The following PLCB4 variants were observed in gnomAD, a reference collection of about 807,000 sequenced individuals.
PLCB4 encodes phospholipase C beta 4.
In PLCB4, 77 loss-of-function variants were observed where a neutral mutation model predicts 178.8. The ratio of observed to expected loss-of-function variants is 0.43; its 90% CI spans 0.36 to 0.52. The LOEUF (loss-of-function observed/expected upper bound fraction) is 0.52, where lower values mean the gene tolerates loss of function less well. PLCB4 is among the 20% of genes least tolerant of loss of function. The probability of loss-of-function intolerance (pLI) is 0.00; values close to 1 mark genes in which losing one functional copy is unlikely to be tolerated. For synonymous variants in PLCB4, 496 were observed against 490.8 expected (o/e 1.01, Z -0.14); for missense variants, 1,024 against 1,453.4 (o/e 0.70, Z 4.80).
At chr20:9,473,044 A>G (rs2044290258) in intron 37 of PLCB4, among the ~76,000 whole-genome samples, 197 bp downstream of exon 37, 1 of 152,210 alleles carries the variant, frequency 6.6e-6, no homozygotes, top group Non-Finnish European at 1.5e-5. Context: ...CATTTTATAC[A>G]GAAAATGAAG....
chr20:9,349,682 T>C (rs2034151100), intron 7 of PLCB4, among the ~76,000 whole-genome samples: 1 of 152,202 alleles, frequency 6.6e-6, no homozygotes, highest in African/African-American at 2.4e-5. Context: ...TTTGTCCTAG[T>C]TGCAAGTGTT....
intron 28 of PLCB4, 103 bp downstream of exon 28, chr20:9,424,055 C>A: frequency 1.3e-6 from 1 of 756,304 alleles, no homozygotes; most frequent in South Asian, 1.7e-5. Flanking sequence ...AAAATACTGT[C>A]TATTCCTGCT....
At chr20:9,407,531 A>G (rs2039537800) in intron 21 of PLCB4, among the ~76,000 whole-genome samples, 1 of 152,008 alleles carries the variant, frequency 6.6e-6, no homozygotes, top group Non-Finnish European at 1.5e-5. Flanking sequence ...CACCACACCC[A>G]GCTAATTTTT....
At chr20:9,286,886 C>T (rs1189986736) in intron 3 of PLCB4, among the ~76,000 whole-genome samples, 1 of 151,986 alleles carries the variant, frequency 6.6e-6, no homozygotes, top group Non-Finnish European at 1.5e-5. Context: ...TCCATGGTCA[C>T]CTTCCTGGAC....
intron 3 of PLCB4, among the ~76,000 whole-genome samples, chr20:9,273,305 T>G (rs1398307270): frequency 1.3e-5 from 2 of 152,150 alleles, no homozygotes; most frequent in Non-Finnish European, 2.9e-5. Flanking sequence ...TTAACGCCTT[T>G]AATTCTCAAA....
In PLCB4 at chr20:9,453,318, A is replaced by G. The variant is rs776530028; in HGVS notation, c.2881-29A>G. The G allele has an allele frequency of 2.9e-5, 39 of 1,356,482 alleles. No individual in the cohort carries two copies. In the South Asian group the frequency reaches 2.9e-4, roughly 10 times the overall value. The allele number at this position is 1,356,482 out of a possible 1,614,324, so 84.0% of individuals were successfully genotyped here. ...TGGTGTGAGCCATGCTAAGAGTCCA[A>G]TTCATAACTGCAAATCCTTCTTGTT... On this transcript the variant is annotated intron_variant, in intron 32 of 39. Coordinates refer to ENST00000378473, the MANE Select transcript of PLCB4 (RefSeq NM_001377142.1).
At chr20:9,351,582 T>G (rs2034349364) in intron 7 of PLCB4, among the ~76,000 whole-genome samples, 1 of 152,198 alleles carries the variant, frequency 6.6e-6, no homozygotes, top group Admixed American at 6.5e-5. Context: ...CTCACTGTTT[T>G]CTGCTGTGTG....
At chr20:9,432,645 G>A (rs1233058972) in intron 28 of PLCB4, among the ~76,000 whole-genome samples, 1 of 152,188 alleles carries the variant, frequency 6.6e-6, no homozygotes, top group Non-Finnish European at 1.5e-5. Flanking sequence ...TGGGAGTCAG[G>A]CACAAAGAGT....
chr20:9,405,917 T>C (rs1279183047), intron 21 of PLCB4, among the ~76,000 whole-genome samples: 1 of 152,164 alleles, frequency 6.6e-6, no homozygotes, highest in Non-Finnish European at 1.5e-5. Flanking sequence ...ACTTCAGAGG[T>C]TCGGAAAATA....
chr20:9,478,853 G>A (rs2122757199), intron 39 of PLCB4, 68 bp from the exon 40 acceptor site: 2 of 1,123,498 alleles, frequency 1.8e-6, no homozygotes, highest in East Asian at 4.7e-5. Context: ...GAGAAGAGAG[G>A]CCAGGGTTGT....
Position 9,401,528 on chromosome 20 carries a change from G to A in PLCB4, c.1549G>A (p.Gly517Arg), listed in dbSNP as rs1486424381. ...EEEAHPEFKF[G>R]NELSADDLGH... ...GGAAGCTCACCCCGAATTCAAATTTGGAAATGAACTTTCTGCTGATGACTT... is the reference window on the plus strand; with the variant it reads ...GGAAGCTCACCCCGAATTCAAATTTAGAAATGAACTTTCTGCTGATGACTT... Residue 517 changes from glycine to arginine, a missense_variant, in exon 20 of 40, where the codon GGA becomes AGA. By Grantham distance (125) the Gly-to-Arg change is moderately radical. Around this residue, in one of 7 missense-constraint regions of PLCB4, gnomAD observed 263 missense variants for 417.4 expected, o/e 0.63. Coordinates refer to ENST00000378473, the MANE Select transcript of PLCB4 (RefSeq NM_001377142.1). 1 of 1,613,840 alleles carries A rather than the reference G, an allele frequency of 6.2e-7. No individual in the cohort carries two copies. The highest frequency in any genetic ancestry group is 1.1e-5 in the South Asian group (1 of 91,038).
chr20:9,420,008 G>A, intron 26 of PLCB4, 99 bp downstream of exon 26: 1 of 705,576 alleles, frequency 1.4e-6, no homozygotes, highest in Non-Finnish European at 2.4e-6. Flanking sequence ...AGATCCATGT[G>A]CTGCTCACAA....
chr20:9,186,130 C>A (rs977031964), intron 2 of PLCB4, among the ~76,000 whole-genome samples: 1 of 152,072 alleles, frequency 6.6e-6, no homozygotes, highest in Non-Finnish European at 1.5e-5. Flanking sequence ...AAATGAACGC[C>A]CATTCAAGGG....
intron 39 of PLCB4, 52 bp from the exon 40 acceptor site, chr20:9,478,869 G>A (rs2044729699): frequency 1.5e-6 from 2 of 1,335,174 alleles, no homozygotes; most frequent in Non-Finnish European, 1.1e-6. Context: ...GTTGTTAAGT[G>A]CCTTCAGATA....
At chr20:9,210,225 C>T (rs987418371) in intron 2 of PLCB4, among the ~76,000 whole-genome samples, 2 of 152,064 alleles carry the variant, frequency 1.3e-5, no homozygotes, top group African/African-American at 4.8e-5. Context: ...CTAAAGAGCC[C>T]TGTTTTGCAT....
chr20:9,285,982 A>G (rs959181613), intron 3 of PLCB4, among the ~76,000 whole-genome samples: 16 of 152,076 alleles, frequency 1.1e-4, no homozygotes, highest in African/African-American at 3.1e-4. Context: ...GTCTGTTTTC[A>G]GATGGGGAAA....
chr20:9,327,757 C>T (rs1002875796), intron 4 of PLCB4, among the ~76,000 whole-genome samples: 1 of 151,724 alleles, frequency 6.6e-6, no homozygotes, highest in African/African-American at 2.4e-5. Flanking sequence ...GCCTGGGTGA[C>T]AGAGCGAGAC....
At chr20:9,307,492 A>AATATAT (rs145140014) in intron 3 of PLCB4, among the ~76,000 whole-genome samples, 3 of 88,580 alleles carry the variant, frequency 3.4e-5, no homozygotes, top group African/African-American at 1.3e-4. Flanking sequence ...TTAAAAAAAG[A>AATATAT]ATACACACAC....
chr20:9,225,597 CTT>C (rs986480076), intron 3 of PLCB4, among the ~76,000 whole-genome samples: 1 of 152,114 alleles, frequency 6.6e-6, no homozygotes, highest in Non-Finnish European at 1.5e-5. Context: ...TCCTGAGGGC[CTT>C]TGTGGTGGCA....
Sources: allele counts gnomAD v4.1 joint callset (sites outside exome capture counted in the v4.1 genomes callset), GRCh38; gene constraint gnomAD v4.1.1; regional missense constraint gnomAD v4.1.1; transcripts MANE v1.5; gene names NCBI Gene and HGNC (gene_info 2026-07-23, HGNC 2026-07-21).